The following GNE variants were observed in gnomAD, a reference collection of about 807,000 sequenced individuals.
GNE encodes the protein glucosamine (UDP-N-acetyl)-2-epimerase/N-acetylmannosamine kinase.
A neutral mutation model predicts 61.8 loss-of-function variants in GNE; 41 were observed. The ratio of observed to expected loss-of-function variants is 0.66; its 90% CI spans 0.52 to 0.86. The LOEUF is 0.86. GNE is among the 40% of genes least tolerant of loss of function. GNE has a pLI of 0.00. For synonymous variants in GNE, 264 were observed against 326.4 expected, an observed-to-expected ratio of 0.81 and a Z score of 2.06; for missense variants, 608 against 909.1, an observed-to-expected ratio of 0.67 and a Z score of 4.26.
At chr9:36,225,507 A>T (rs568791931) in intron 7 of GNE, among the ~76,000 whole-genome samples, 3 of 152,126 alleles carry the variant, frequency 2.0e-5, no homozygotes, top group Non-Finnish European at 4.4e-5. Context: ...TGCTGGCATA[A>T]GCCTGTAGTC....
At position 36,217,282 on chromosome 9, in the gene GNE, G is replaced by T; in HGVS notation, c.*83C>A. Reference sequence around the variant, plus strand: ...CTGCAGTTCAATACCAGATTTGATTGTTAAGAAACGGTCATCCTAAAGACA... The same window carrying T: ...CTGCAGTTCAATACCAGATTTGATTTTTAAGAAACGGTCATCCTAAAGACA... On this transcript the variant is annotated 3_prime_UTR_variant, in exon 12 of 12. Transcript: ENST00000642385. 1.1e-6 allele frequency: 1 copy of T among 929,282 alleles called. No individual in the cohort carries two copies. Among genetic ancestry groups the T allele is most frequent in the Non-Finnish European group, 1.7e-6 (1 of 582,344 alleles). The allele number at this position is 929,282 out of a possible 1,614,324, so 57.6% of individuals were successfully genotyped here.
chr9:36,239,964 T>C (rs889711705), intron 3 of GNE, among the ~76,000 whole-genome samples: 1 of 152,178 alleles, frequency 6.6e-6, no homozygotes, highest in Admixed American at 6.6e-5. Flanking sequence ...GATTCTCCGC[T>C]TGGTCGCTGT....
chr9:36,266,924 C>T lies in GNE; in HGVS notation c.51+9970G>A, dbSNP rs950319785. The stretch of plus-strand genomic sequence containing the variant: ...AAAAAAAAAAAATACAAAAATTAAC[C>T]GGGTGGTGGCCCCCGCCTGTAATCT... On this transcript the variant is annotated intron_variant, in intron 1 of 11. Coordinates refer to the GNE transcript ENST00000396594. 3.3e-5 allele frequency among the ~76,000 whole-genome samples: 5 copies of T among 150,888 alleles called. No homozygotes were observed. In the East Asian group the frequency reaches 5.9e-4, roughly 18 times the overall value.
chr9:36,217,552 T>C lies in GNE; in HGVS notation c.1982A>G (p.Asn661Ser), dbSNP rs765173992. 6.2e-7 allele frequency: 1 copy of C among 1,614,036 alleles called. No individual in the cohort carries two copies. Among genetic ancestry groups the C allele is most frequent in the Non-Finnish European group, 8.5e-7 (1 of 1,179,898 alleles). ...LGVVNILHTMNPSLVILSGVL... is the reference protein window; with the variant it reads ...LGVVNILHTMSPSLVILSGVL... ...TCCGGAGAGGATCACAAGGGAGGGA[T>C]TCATGGTATGGAGGATGTTCACAAC... The change falls in exon 12 of 12, where the codon AAT becomes AGT. Residue 661 changes from asparagine to serine, a missense_variant. Physicochemically the swap from Asn to Ser is conservative, Grantham distance 46. Transcript: ENST00000642385.
Position 36,246,483 on chromosome 9 carries a change from C to T in GNE, c.165-1G>A, listed in dbSNP as rs771790170. On this transcript the variant is annotated splice_acceptor_variant, in intron 2 of 11. Coordinates refer to ENST00000642385, the MANE Select transcript of GNE (RefSeq NM_005476.7). LOFTEE classifies it high-confidence loss of function. ...TTGTTCAATCATTCGATATGTATTT[C>T]TAAAGCCGGGGAGAAATAAAGATAT... 1 of 1,607,702 alleles carries T rather than the reference C, an allele frequency of 6.2e-7. No individual in the cohort carries two copies. The highest frequency in any genetic ancestry group is 8.5e-7 in the Non-Finnish European group (1 of 1,175,304).
intron 3 of GNE, among the ~76,000 whole-genome samples, chr9:36,238,136 AC>A (rs1829479239): frequency 7.5e-6 from 1 of 133,366 alleles, no homozygotes; most frequent in Non-Finnish European, 1.7e-5. Context: ...ACACACACAC[AC>A]ACACACACAT....
rs1416186228 is a variant in GNE at position 36,218,866 on chromosome 9, GAGATC to G, written c.1817-572_1817-568del. 1.3e-5 allele frequency among the ~76,000 whole-genome samples: 2 copies of G among 152,242 alleles called. No individual in the cohort carries two copies. The highest frequency in any genetic ancestry group is 1.3e-4 in the Admixed American group (2 of 15,286). On this transcript the variant is annotated intron_variant, in intron 10 of 11. Transcript: ENST00000642385. This position sits in a 1 kb window ranked among gnomAD's most constrained non-coding sequence, Gnocchi z 4.1. ...GGCAGGGTTATTTGAGGAACGGAAT[GAGATC>G]ATGGACATAAAGTATTTAGTTAAGT...
In GNE at chr9:36,256,085, C is replaced by T. The variant is rs539390220; in HGVS notation, c.-43+2236G>A. Among the ~76,000 whole-genome samples, 9 of 151,928 alleles carry T rather than the reference C, an allele frequency of 5.9e-5. No individual in the cohort carries two copies. In the East Asian group the frequency reaches 1.7e-3, roughly 29 times the overall value. Reference sequence around the variant, plus strand: ...GATTACAGGCATGTGACACCATGCCCAGCTAATTTTTTTGTATTTTTAGTA... The same window carrying T: ...GATTACAGGCATGTGACACCATGCCTAGCTAATTTTTTTGTATTTTTAGTA... On this transcript the variant is annotated intron_variant, in intron 1 of 11. Coordinates refer to ENST00000642385, the MANE Select transcript of GNE (RefSeq NM_005476.7).
chr9:36,236,323 C>T (rs1352509581), intron 4 of GNE, among the ~76,000 whole-genome samples: 6 of 152,046 alleles, frequency 3.9e-5, no homozygotes, highest in African/African-American at 1.5e-4. Flanking sequence ...GCCTCAGCCT[C>T]CTGAATAGCT....
intron 3 of GNE, among the ~76,000 whole-genome samples, chr9:36,237,427 T>C (rs1214730973): frequency 2.0e-5 from 3 of 152,254 alleles, no homozygotes; most frequent in African/African-American, 4.8e-5. Flanking sequence ...AGCTTTCCTG[T>C]ACTATCACCT....
chr9:36,218,352 G>GTGGTGAGCTTGGC lies in GNE; in HGVS notation c.1817-54_1817-53insGCCAAGCTCACCA. On this transcript the variant is annotated intron_variant, in intron 10 of 11. Coordinates refer to ENST00000642385, the MANE Select transcript of GNE (RefSeq NM_005476.7). The surrounding 1 kb of genome is among the most constrained non-coding windows in gnomAD (Gnocchi z 4.1). ...CACTAATGAGCTGTGGGGAGGCCAAGCTCACCACTGGGCCTGTGGAAAGCA... is the reference window on the plus strand; with the variant it reads ...CACTAATGAGCTGTGGGGAGGCCAAGTGGTGAGCTTGGCCTCACCACTGGGCCTGTGGAAAGCA... 1 of 1,269,210 alleles carries GTGGTGAGCTTGGC rather than the reference G, an allele frequency of 7.9e-7. No homozygotes were observed. The highest frequency in any genetic ancestry group is 1.2e-6 in the Non-Finnish European group (1 of 866,202). 78.6% of individuals were successfully genotyped at this position (1,269,210 alleles called of 1,614,324 possible).
At chr9:36,237,751 T>G (rs11793085) in intron 3 of GNE, among the ~76,000 whole-genome samples, 2 of 152,116 alleles carry the variant, frequency 1.3e-5, no homozygotes, top group African/African-American at 4.8e-5. Flanking sequence ...GAGATTTTGG[T>G]GCACCCATCA....
chr9:36,223,518 A>G lies in GNE; in HGVS notation c.1282-16T>C, dbSNP rs756131618. The G allele has an allele frequency of 1.9e-6, 3 of 1,609,084 alleles. No homozygotes were observed. Among genetic ancestry groups the G allele is most frequent in the East Asian group, 2.2e-5 (1 of 44,882 alleles). The stretch of plus-strand genomic sequence containing the variant: ...CTATTTCACCCTAAAAGAGAAAACA[A>G]CAAGTTCCGTCTTACTGGTCTTAGC... On this transcript the variant is annotated splice_polypyrimidine_tract_variant and intron_variant, in intron 7 of 11. Coordinates refer to ENST00000642385, the MANE Select transcript of GNE (RefSeq NM_005476.7).
intron 1 of GNE, among the ~76,000 whole-genome samples, chr9:36,274,883 C>T (rs1372796782): frequency 6.6e-6 from 1 of 152,122 alleles, no homozygotes; most frequent in African/African-American, 2.4e-5. Context: ...CCATCATGCC[C>T]GGCTAATTTT....
At chr9:36,230,939 A>G (rs1159524895) in intron 5 of GNE, among the ~76,000 whole-genome samples, 1 of 151,940 alleles carries the variant, frequency 6.6e-6, no homozygotes, top group Non-Finnish European at 1.5e-5. Context: ...TATCTTCAAT[A>G]TCTTTTCTTC....
At chr9:36,228,626 T>G (rs1466510183) in intron 6 of GNE, among the ~76,000 whole-genome samples, 2 of 151,570 alleles carry the variant, frequency 1.3e-5, no homozygotes, top group African/African-American at 4.8e-5. Flanking sequence ...AAACCCCATC[T>G]CTACTAAAAA....
rs1486701570 is a variant in GNE at position 36,222,814 on chromosome 9, C to A, written c.1596G>T (p.Lys532Asn). The part of the protein sequence containing the change: ...ALAERKFGQG[K>N]GLENFVTLIT... Reference sequence around the variant, plus strand: ...TAAGTGTAACAAAGTTTTCCAGTCCCTTTCCTTGGCCAAATTTCCTTTCCG... The same window carrying A: ...TAAGTGTAACAAAGTTTTCCAGTCCATTTCCTTGGCCAAATTTCCTTTCCG... Residue 532 changes from lysine to asparagine, a missense_variant, in exon 9 of 12, where the codon AAG becomes AAT. Transcript: ENST00000642385. 1 of 1,614,058 alleles carries A rather than the reference C, an allele frequency of 6.2e-7. No individual in the cohort carries two copies. Among genetic ancestry groups the A allele is most frequent in the East Asian group, 2.2e-5 (1 of 44,898 alleles).
chr9:36,217,324 CAGG>C lies in GNE; in HGVS notation c.*38_*40del, dbSNP rs746467638. 7.6e-7 allele frequency: 1 copy of C among 1,321,618 alleles called. No homozygotes were observed. The highest frequency in any genetic ancestry group is 1.4e-5 in the African/African-American group (1 of 69,434). The allele number at this position is 1,321,618 out of a possible 1,614,324, so 81.9% of individuals were successfully genotyped here. ...CTAAAGACAAGAACTTGATTCCACT[CAGG>C]AGCTCTGGAGAGAAGGTCCATGTCT... On this transcript the variant is annotated 3_prime_UTR_variant, in exon 12 of 12. Coordinates refer to ENST00000642385, the MANE Select transcript of GNE (RefSeq NM_005476.7).
At position 36,223,364 on chromosome 9, in the gene GNE, C is replaced by T; in HGVS notation, c.1411+9G>A. The stretch of plus-strand genomic sequence containing the variant: ...GAGCATTTCTTGGATTTATAATTTA[C>T]AATCTTACCTACTCCCAAAATTCTG... On this transcript the variant is annotated intron_variant, in intron 8 of 11. Transcript: ENST00000642385. 3.7e-6 allele frequency: 6 copies of T among 1,610,456 alleles called. No individual in the cohort carries two copies. The highest frequency in any genetic ancestry group is 5.1e-6 in the Non-Finnish European group (6 of 1,176,648).
Sources: allele counts gnomAD v4.1 joint callset (sites outside exome capture counted in the v4.1 genomes callset), GRCh38; gene constraint gnomAD v4.1.1; non-coding constraint Gnocchi (gnomAD v3.1); transcripts MANE v1.5; gene names NCBI Gene and HGNC (gene_info 2026-07-23, HGNC 2026-07-21).